STK10: variants seen among roughly 807,000 people sequenced by gnomAD.
The protein encoded by STK10 is serine/threonine-protein kinase 10.
Under a neutral mutation model 113.8 loss-of-function variants are expected in STK10, and 78 were observed. The ratio of observed to expected loss-of-function variants is 0.69; its 90% CI spans 0.57 to 0.83. The LOEUF is 0.83. STK10 is among the 40% of genes least tolerant of loss of function. STK10 has a pLI of 0.00. For synonymous variants in STK10, 465 were observed against 494.7 expected, an observed-to-expected ratio of 0.94 and a Z score of 0.80; for missense variants, 1,109 against 1,280.1, an observed-to-expected ratio of 0.87 and a Z score of 2.04.
intron 1 of STK10, among the ~76,000 whole-genome samples, chr5:172,169,373 T>C (rs1480051922): frequency 6.6e-6 from 1 of 151,620 alleles, no homozygotes; most frequent in Non-Finnish European, 1.5e-5. Flanking sequence ...AACGGGAAGA[T>C]AGGTGGGCAG....
rs1770966042 is a variant in STK10 at position 172,187,172 on chromosome 5, A to C, written c.156+715T>G. Among the ~76,000 whole-genome samples, 1 of 151,368 alleles carries C rather than the reference A, an allele frequency of 6.6e-6. No homozygotes were observed. Among genetic ancestry groups the C allele is most frequent in the African/African-American group, 2.4e-5 (1 of 41,126 alleles). The stretch of plus-strand genomic sequence containing the variant: ...AGACTCAATCAGCTCTGCCCCACCC[A>C]CTCCACAAAAGCTCTCTGCCGCGTC... On this transcript the variant is annotated intron_variant, in intron 1 of 18. Coordinates refer to ENST00000176763, the MANE Select transcript of STK10 (RefSeq NM_005990.4). The surrounding 1 kb of genome is among the most constrained non-coding windows in gnomAD (Gnocchi z 4.6).
intron 7 of STK10, 82 bp from the exon 8 acceptor site, chr5:172,096,642 G>A: frequency 3.2e-6 from 5 of 1,562,946 alleles, no homozygotes; most frequent in Non-Finnish European, 4.3e-6. Flanking sequence ...TCACCCCCGG[G>A]GCAGAAAAGG....
At chr5:172,117,327 T>C (rs1769409235) in intron 4 of STK10, among the ~76,000 whole-genome samples, 154 bp downstream of exon 4, 1 of 148,526 alleles carries the variant, frequency 6.7e-6, no homozygotes, top group Non-Finnish European at 1.5e-5. Context: ...GAATCAAGAG[T>C]AGGAAGGGGA....
intron 7 of STK10, among the ~76,000 whole-genome samples, chr5:172,102,459 C>T (rs879470181): frequency 7.2e-5 from 11 of 152,092 alleles, no homozygotes; most frequent in Admixed American, 3.9e-4. Flanking sequence ...CAGCTGGACG[C>T]GGGCCGAGGC....
At chr5:172,057,835 C>T (rs1319184504) in intron 14 of STK10, among the ~76,000 whole-genome samples, 1 of 152,162 alleles carries the variant, frequency 6.6e-6, no homozygotes, top group Non-Finnish European at 1.5e-5. Context: ...ACAGCTATAC[C>T]ATGGAGGGAG....
chr5:172,112,896 G>A (rs1769270525), intron 4 of STK10, among the ~76,000 whole-genome samples: 1 of 151,790 alleles, frequency 6.6e-6, no homozygotes, highest in South Asian at 2.1e-4. Flanking sequence ...ACAGGCATGC[G>A]CCACCACGCC....
intron 4 of STK10, among the ~76,000 whole-genome samples, chr5:172,116,255 A>G (rs1769381086): frequency 6.6e-6 from 1 of 151,644 alleles, no homozygotes. Context: ...TAATTTTTGT[A>G]TTTTTAGTAG....
intron 4 of STK10, among the ~76,000 whole-genome samples, chr5:172,116,678 G>A (rs148433154): frequency 0.015 from 2,274 of 151,662 alleles, 56 homozygotes; most frequent in African/African-American, 0.051. Flanking sequence ...GACCAGCCTG[G>A]CCAACATGGT....
intron 2 of STK10, among the ~76,000 whole-genome samples, chr5:172,135,537 A>T (rs1769836329): frequency 6.6e-6 from 1 of 152,054 alleles, no homozygotes; most frequent in South Asian, 2.1e-4. Context: ...AACAACAGTA[A>T]GTGTTGGCAG....
chr5:172,151,914 A>G (rs553601827), intron 2 of STK10, among the ~76,000 whole-genome samples: 58 of 152,338 alleles, frequency 3.8e-4, no homozygotes, highest in African/African-American at 1.3e-3. Context: ...GGTCCTCTGC[A>G]GACTCCTGCC....
rs762498949 is a variant in STK10, at chr5:172,093,511, C to T, written c.1455G>A (p.Ser485=). ...QAAPGPSKRD[S]DCSSLCTSES... is the part of the protein sequence containing the mutation. ...CAGAGGTGCAGAGGCTGCTGCAGTC[C>T]GAGTCCCTCTTGGAAGGCCCTGGAG... is the stretch of plus-strand genomic sequence containing the variant. The change falls in exon 9 of 19, where the codon TCG becomes TCA. Residue 485 remains serine, a synonymous_variant. Transcript: ENST00000176763. This position sits in a 1 kb window ranked among gnomAD's most constrained non-coding sequence, Gnocchi z 4.1. 7 of 1,614,110 alleles carry T rather than the reference C, an allele frequency of 4.3e-6. No individual in the cohort carries two copies. The highest frequency in any genetic ancestry group is 1.7e-5 in the Admixed American group (1 of 60,014).
chr5:172,171,387 T>C (rs1356140641), intron 1 of STK10, among the ~76,000 whole-genome samples: 1 of 152,138 alleles, frequency 6.6e-6, no homozygotes, highest in Admixed American at 6.6e-5. Flanking sequence ...TTGTGAGCAT[T>C]TAATGAGTTA....
chr5:172,159,491 G>A (rs1048090279), intron 1 of STK10, among the ~76,000 whole-genome samples: 1 of 152,092 alleles, frequency 6.6e-6, no homozygotes, highest in South Asian at 2.1e-4. Flanking sequence ...GCAGTGAGCT[G>A]AGATCTTGCC....
chr5:172,069,219 A>T (rs977647043), intron 12 of STK10, among the ~76,000 whole-genome samples: 1 of 152,150 alleles, frequency 6.6e-6, no homozygotes, highest in Non-Finnish European at 1.5e-5. Flanking sequence ...TGCCATAAAC[A>T]CCTCTACTAA....
chr5:172,096,695 C>G, intron 7 of STK10, 135 bp from the exon 8 acceptor site: 1 of 1,219,064 alleles, frequency 8.2e-7, no homozygotes, highest in Non-Finnish European at 1.2e-6. Flanking sequence ...AACTTGGAGA[C>G]CCAGAGACAG....
At chr5:172,171,831 C>T (rs775968446) in intron 1 of STK10, among the ~76,000 whole-genome samples, 28 of 151,752 alleles carry the variant, frequency 1.8e-4, no homozygotes, top group Non-Finnish European at 3.4e-4. Context: ...TATATTCTTC[C>T]ATACTTTACA....
At chr5:172,071,776 C>T (rs1441270786) in intron 12 of STK10, among the ~76,000 whole-genome samples, 8 of 152,146 alleles carry the variant, frequency 5.3e-5, no homozygotes, top group Admixed American at 5.2e-4. Context: ...TCTGAATTCT[C>T]TCTCTCTCAG....
In STK10 at chr5:172,181,221, C is replaced by G. The variant is rs79708630; in HGVS notation, c.156+6666G>C. ...TTTTTTCAGGTAAAATGCCTACTTA[C>G]CGCAGCATGTGCGTATTTCTTCTCC... On this transcript the variant is annotated intron_variant, in intron 1 of 18. Transcript: ENST00000176763. 2.9e-3 allele frequency among the ~76,000 whole-genome samples: 444 copies of G among 152,344 alleles called. 6 individuals carry two copies. The highest frequency in any genetic ancestry group is 0.01 in the African/African-American group (425 of 41,578).
intron 14 of STK10, among the ~76,000 whole-genome samples, chr5:172,058,058 C>T (rs1767847719): frequency 6.6e-6 from 1 of 152,204 alleles, no homozygotes; most frequent in Non-Finnish European, 1.5e-5. Context: ...ATACTGGCAT[C>T]TTAACACTGG....
Sources: gnomAD v4.1 joint callset for allele counts (sites outside exome capture counted in the v4.1 genomes callset) on GRCh38, gnomAD v4.1.1 for gene constraint, Gnocchi (gnomAD v3.1) non-coding constraint, MANE v1.5 for transcripts, NCBI Gene and HGNC (gene_info 2026-07-23, HGNC 2026-07-21) for gene names.